Variants in ZNF701 observed in about 807,000 individuals in gnomAD.
The protein encoded by ZNF701 is zinc finger protein 701.
In ZNF701, 6 loss-of-function variants were observed where a neutral mutation model predicts 7.1. That is an observed-to-expected ratio of 0.84 (90% CI 0.46 to 1.66). The LOEUF is 1.66. Ranked by LOEUF, ZNF701 falls within the 40% of genes most tolerant of loss-of-function variation. The pLI is 0.01. For synonymous variants in ZNF701, 166 were observed against 188.2 expected, an observed-to-expected ratio of 0.88 and a Z score of 0.97; for missense variants, 541 against 559.2, an observed-to-expected ratio of 0.97 and a Z score of 0.33.
the ZNF701 span, among the ~76,000 whole-genome samples, chr19:52,594,574 T>C: frequency 6.0e-5 from 9 of 149,802 alleles, no homozygotes; most frequent in Non-Finnish European, 1.0e-4. Flanking sequence ...AGTGCAATGG[T>C]GCGATCTCGG....
chr19:52,577,473 A>T (rs1054245771), intron 3 of ZNF701, among the ~76,000 whole-genome samples: 1 of 125,544 alleles, frequency 8.0e-6, no homozygotes. Context: ...CAAATTAGAT[A>T]CAGAGATGAT....
chr19:52,587,930 G>A (rs1327612958), downstream of ZNF701, among the ~76,000 whole-genome samples: 1 of 152,150 alleles, frequency 6.6e-6, no homozygotes, highest in Non-Finnish European at 1.5e-5. Flanking sequence ...AGGGAGGTGA[G>A]GGGGCTGTGC....
At chr19:52,593,092 G>A in the ZNF701 span, among the ~76,000 whole-genome samples, 1 of 118,044 alleles carries the variant, frequency 8.5e-6, no homozygotes, top group East Asian at 2.2e-4. Context: ...GCACAGGGTT[G>A]GGGGTAAGGT....
chr19:52,571,354 C>T (rs113028632), intron 1 of ZNF701, among the ~76,000 whole-genome samples: 10 of 151,590 alleles, frequency 6.6e-5, no homozygotes, highest in African/African-American at 2.2e-4. Flanking sequence ...ATCTGGGGTG[C>T]TAGAGAGTGG....
chr19:52,570,922 A>G (rs1025585260), intron 1 of ZNF701: 8 of 152,428 alleles, frequency 5.2e-5, no homozygotes, highest in African/African-American at 1.7e-4. Flanking sequence ...ACCCCTGAAA[A>G]ATGAGCCTCT....
chr19:52,583,635 T>A lies in ZNF701; in HGVS notation c.*178T>A. The A allele has an allele frequency of 7.9e-7, 1 of 1,273,666 alleles. No homozygotes were observed. The highest frequency in any genetic ancestry group is 1.1e-6 in the Non-Finnish European group (1 of 870,714). 78.9% of individuals were successfully genotyped at this position (1,273,666 alleles called of 1,614,324 possible). ...AGAGAAACCATACAAATGTAAGGTTTGTGACAAGGATTTCGGGTGTGATTC... is the reference window on the plus strand; with the variant it reads ...AGAGAAACCATACAAATGTAAGGTTAGTGACAAGGATTTCGGGTGTGATTC... On this transcript the variant is annotated 3_prime_UTR_variant, in exon 4 of 4. Coordinates refer to ENST00000391785, the MANE Select transcript of ZNF701 (RefSeq NM_018260.3).
the ZNF701 span, among the ~76,000 whole-genome samples, chr19:52,594,633 C>A: frequency 0.44 from 66,323 of 151,660 alleles, 14,502 homozygotes; most frequent in Middle Eastern, 0.48. Context: ...CCTGCTTCAA[C>A]CTGCCTAGCA....
At chr19:52,591,471 A>G (rs1240074706), downstream of ZNF701, among the ~76,000 whole-genome samples, 2 of 152,028 alleles carry the variant, frequency 1.3e-5, no homozygotes, top group East Asian at 1.9e-4. Context: ...GTGAGCCCCA[A>G]TGCCCGGCCA....
At chr19:52,578,270 AAAAAAAAAGAAGTGTATAG>A (rs907727445) in intron 3 of ZNF701, among the ~76,000 whole-genome samples, 5 of 151,406 alleles carry the variant, frequency 3.3e-5, no homozygotes, top group Admixed American at 3.3e-4. Context: ...AAAAAAAAAA[AAAAAAAAAGAAGTGTATAG>A]AAGAAAACGC....
At chr19:52,572,477 G>A (rs1207029225) in intron 1 of ZNF701, 2 of 1,134,040 alleles carry the variant, frequency 1.8e-6, no homozygotes, top group South Asian at 1.4e-5. Flanking sequence ...TGCAAAGGAA[G>A]TTTCTTTATC....
At chr19:52,593,499 C>T in the ZNF701 span, among the ~76,000 whole-genome samples, 37 of 115,114 alleles carry the variant, frequency 3.2e-4, 14 homozygotes, top group African/African-American at 1.2e-3. Context: ...AGAGGCGCCC[C>T]TCACCTGCCA....
chr19:52,582,917 A>C lies in ZNF701; in HGVS notation c.858A>C (p.Leu286Phe). The part of the protein sequence containing the change: ...GKTFSHNSAL[L>F]VHKAIHTGEK... ...CATTCAGTCACAATTCAGCCCTGTT[A>C]GTTCACAAGGCAATTCATACTGGAG... Residue 286 changes from leucine (L) to phenylalanine (F), a missense_variant, in exon 4 of 4, where the codon TTA becomes TTC. Physicochemically the swap from Leu to Phe is conservative, Grantham distance 22. Transcript: ENST00000391785. 1 of 1,614,062 alleles carries C rather than the reference A, an allele frequency of 6.2e-7. No homozygotes were observed. Among genetic ancestry groups the C allele is most frequent in the Non-Finnish European group, 8.5e-7 (1 of 1,179,926 alleles).
In ZNF701 at chr19:52,583,109, A is replaced by T. The variant is rs1038632846; in HGVS notation, c.1050A>T (p.Gly350=). Residue 350 remains glycine (G), a synonymous_variant, in exon 4 of 4, where the codon GGA becomes GGT. Transcript: ENST00000391785. The stretch of plus-strand genomic sequence containing the variant: ...AAAGACATAGGAGAATTCACACTGG[A>T]GAGAAACCATACAAATGTAAGGTTT... ...HLERHRRIHT[G]EKPYKCKVCD... 3 of 1,613,872 alleles carry T rather than the reference A, an allele frequency of 1.9e-6. No homozygotes were observed. The highest frequency in any genetic ancestry group is 1.7e-5 in the Admixed American group (1 of 60,010).
At chr19:52,570,779 AC>A (rs1175539887) in intron 1 of ZNF701, 4 of 150,742 alleles carry the variant, frequency 2.7e-5, no homozygotes, top group African/African-American at 9.8e-5. Flanking sequence ...GTCGCACCCC[AC>A]CTCCCGCCTC....
chr19:52,570,521 C>G, intron 1 of ZNF701, 191 bp downstream of exon 1: 1 of 152,246 alleles, frequency 6.6e-6, no homozygotes, highest in Middle Eastern at 3.2e-3. Context: ...AGGCTGTTCC[C>G]GTCTCCAGTC....
the ZNF701 span, among the ~76,000 whole-genome samples, chr19:52,592,552 C>A: frequency 1.3e-5 from 2 of 152,218 alleles, no homozygotes; most frequent in African/African-American, 4.8e-5. Flanking sequence ...AAGCATCACA[C>A]TGACTGACAA....
chr19:52,577,497 C>T (rs585828), intron 3 of ZNF701, among the ~76,000 whole-genome samples: 1 of 149,716 alleles, frequency 6.7e-6, no homozygotes, highest in African/African-American at 2.5e-5. Context: ...GGACAATTAT[C>T]AATCATTAGC....
chr19:52,596,744 G>A, the ZNF701 span: 1 of 515,722 alleles, frequency 1.9e-6, no homozygotes, highest in Admixed American at 2.1e-5. Context: ...TTCAGCCCTT[G>A]TAATGCATAA....
rs142528659 is a variant in ZNF701 at position 52,582,989 on chromosome 19, A to T, written c.930A>T (p.Gln310His). The T allele has an allele frequency of 1.2e-6, 2 of 1,613,870 alleles. No individual in the cohort carries two copies. The highest frequency in any genetic ancestry group is 1.1e-5 in the South Asian group (1 of 91,068). ...CNECGKVFNQ[Q>H]SNLARHHRVH... ...AATGTGGCAAGGTTTTTAATCAACA[A>T]TCAAACCTTGCACGTCATCATAGAG... Residue 310 changes from glutamine (Q) to histidine (H), a missense_variant, in exon 4 of 4, where the codon CAA (glutamine) becomes CAT (histidine). By Grantham distance (24) the Gln-to-His change is conservative. Coordinates refer to ENST00000391785, the MANE Select transcript of ZNF701 (RefSeq NM_018260.3).
Sources: allele counts gnomAD v4.1 joint callset (sites outside exome capture counted in the v4.1 genomes callset), GRCh38; gene constraint gnomAD v4.1.1; transcripts MANE v1.5; gene names NCBI Gene and HGNC (gene_info 2026-07-23, HGNC 2026-07-21).